Variants in WNT2B observed in about 807,000 individuals in gnomAD.
The protein encoded by WNT2B is protein Wnt-2b.
In WNT2B, 19 loss-of-function variants were observed where a neutral mutation model predicts 40.5. The ratio of observed to expected loss-of-function variants is 0.47; its 90% CI spans 0.33 to 0.69. The LOEUF (loss-of-function observed/expected upper bound fraction) is 0.69. WNT2B is among the 30% of genes least tolerant of loss of function. WNT2B has a pLI of 0.02. For synonymous variants in WNT2B, 220 were observed against 211.9 expected, an observed-to-expected ratio of 1.04 and a Z score of -0.33; for missense variants, 467 against 556.4, an observed-to-expected ratio of 0.84 and a Z score of 1.62.
At chr1:112,496,315 A>G (rs1179364475) in intron 1 of WNT2B, among the ~76,000 whole-genome samples, 1 of 152,196 alleles carries the variant, frequency 6.6e-6, no homozygotes, top group South Asian at 2.1e-4. Context: ...TACACATTCA[A>G]ATTTTAGAAG....
At chr1:112,494,635 C>G (rs763932798) in intron 1 of WNT2B, among the ~76,000 whole-genome samples, 3 of 151,538 alleles carry the variant, frequency 2.0e-5, no homozygotes, top group Admixed American at 6.6e-5. Context: ...AAACCACTAC[C>G]TTAGAAATCT....
chr1:112,470,826 C>T (rs1334147279), intron 1 of WNT2B, among the ~76,000 whole-genome samples: 1 of 152,062 alleles, frequency 6.6e-6, no homozygotes, highest in African/African-American at 2.4e-5. Context: ...GGAAGGAATT[C>T]CACTTTCCGA....
chr1:112,500,503 C>A (rs1651913015), intron 1 of WNT2B, among the ~76,000 whole-genome samples: 1 of 152,154 alleles, frequency 6.6e-6, no homozygotes, highest in Non-Finnish European at 1.5e-5. Flanking sequence ...GGTGCAGTAG[C>A]TCATGCCTAT....
chr1:112,508,583 C>T (rs1652202978), upstream of WNT2B, among the ~76,000 whole-genome samples: 2 of 152,174 alleles, frequency 1.3e-5, no homozygotes, highest in Admixed American at 1.3e-4. This position sits in a 1 kb window ranked among gnomAD's most constrained non-coding sequence, Gnocchi z 4.2. Context: ...ATCCTCCGTG[C>T]TCAGCGCCGG....
rs1299723911 is a variant in WNT2B at position 112,488,762 on chromosome 1, A to G, written c.-95+21171A>G. 3.9e-5 allele frequency among the ~76,000 whole-genome samples: 6 copies of G among 151,938 alleles called. No homozygotes were observed. In the East Asian group the frequency reaches 9.7e-4, roughly 25 times the overall value. On this transcript the variant is annotated intron_variant, in intron 1 of 4. Coordinates refer to the WNT2B transcript ENST00000256640. ...ATAAAGACAGGTTTTCACCATGTTA[A>G]CCAGGATGGTCTCGATCTCCTGACC...
intron 1 of WNT2B, among the ~76,000 whole-genome samples, chr1:112,480,352 T>A (rs1240035285): frequency 2.0e-5 from 2 of 99,748 alleles, no homozygotes; most frequent in Middle Eastern, 6.7e-3. Context: ...GGTGACAGAG[T>A]AAGACTCCGT....
At chr1:112,488,547 C>T (rs1236582678) in intron 1 of WNT2B, among the ~76,000 whole-genome samples, 1 of 148,900 alleles carries the variant, frequency 6.7e-6, no homozygotes, top group African/African-American at 2.5e-5. Flanking sequence ...TCTTTATTTA[C>T]TTACTGTTTT....
chr1:112,476,690 T>C (rs1651062946), intron 1 of WNT2B, among the ~76,000 whole-genome samples: 1 of 152,288 alleles, frequency 6.6e-6, no homozygotes, highest in Non-Finnish European at 1.5e-5. Flanking sequence ...TTGCCACCAA[T>C]GCAAACATTG....
rs1169927201 is a variant in WNT2B at position 112,498,417 on chromosome 1, TAG to T, written c.-94-16453_-94-16452del. Among the ~76,000 whole-genome samples, 3 of 151,928 alleles carry T rather than the reference TAG, an allele frequency of 2.0e-5. No homozygotes were observed. The East Asian group carries it at 5.8e-4, about 29-fold the overall frequency. On this transcript the variant is annotated intron_variant, in intron 1 of 4. Transcript: ENST00000256640. ...TACAGGCTAATTTTTGTATTTTTAG[TAG>T]AGACAGGGTTTCACCATGTTGGCCA... is the stretch of plus-strand genomic sequence containing the variant.
rs116371295 is a variant in WNT2B at position 112,490,451 on chromosome 1, A to G, written c.-95+22860A>G. Among the ~76,000 whole-genome samples the G allele has an allele frequency of 3.0e-3, 454 of 152,166 alleles. 2 individuals carry two copies. Among genetic ancestry groups the G allele is most frequent in the African/African-American group, 0.01 (429 of 41,520 alleles). On this transcript the variant is annotated intron_variant, in intron 1 of 4. Transcript: ENST00000256640. The stretch of plus-strand genomic sequence containing the variant: ...GAGAAAGGGGCTCAAAGAGAGAGAG[A>G]TAAGAGAACAATAAATTACTTTTCT...
At chr1:112,477,324 T>G (rs1253882019) in intron 1 of WNT2B, among the ~76,000 whole-genome samples, 2 of 152,128 alleles carry the variant, frequency 1.3e-5, no homozygotes, top group Non-Finnish European at 2.9e-5. Context: ...ATGCTGTGGC[T>G]TCCCAGAGCT....
rs751768052 is a variant in WNT2B at position 112,517,238 on chromosome 1, C to A, written c.799C>A (p.Arg267=). The A allele has an allele frequency of 6.2e-7, 1 of 1,614,080 alleles. No individual in the cohort carries two copies. Among genetic ancestry groups the A allele is most frequent in the Non-Finnish European group, 8.5e-7 (1 of 1,180,048 alleles). Residue 267 remains arginine (R), a synonymous_variant, in exon 4 of 5, where the codon CGA becomes AGA. Coordinates refer to ENST00000369684, the MANE Select transcript of WNT2B (RefSeq NM_024494.3). ...CCGCCGCACAGGTGATTACCTGCGG[C>A]GACGCTATGATGGGGCTGTGCAGGT... ...DFRRTGDYLR[R]RYDGAVQVMA...
Position 112,515,473 on chromosome 1 carries a change from A to G in WNT2B, c.403+379A>G, listed in dbSNP as rs1340886573. 6.6e-6 allele frequency among the ~76,000 whole-genome samples: 1 copy of G among 152,022 alleles called. No homozygotes were observed. Among genetic ancestry groups the G allele is most frequent in the Non-Finnish European group, 1.5e-5 (1 of 68,038 alleles). ...CACTATCGTCACCCCAACACTCCCA[A>G]CACTACAGTAATGGGAACAAAAGAT... On this transcript the variant is annotated intron_variant, in intron 2 of 4. Coordinates refer to ENST00000369684, the MANE Select transcript of WNT2B (RefSeq NM_024494.3). The surrounding 1 kb of genome is among the most constrained non-coding windows in gnomAD (Gnocchi z 4.4).
intron 1 of WNT2B, among the ~76,000 whole-genome samples, chr1:112,486,302 G>A (rs1481905620): frequency 6.6e-6 from 1 of 152,064 alleles, no homozygotes; most frequent in African/African-American, 2.4e-5. Context: ...AATTAGTTGG[G>A]CATGGTGTTA....
At chr1:112,482,429 G>A (rs1487842306) in intron 1 of WNT2B, among the ~76,000 whole-genome samples, 2 of 152,128 alleles carry the variant, frequency 1.3e-5, no homozygotes, top group African/African-American at 4.8e-5. Context: ...TTAAACTTCT[G>A]GACTCAAGCA....
chr1:112,523,966 A>G lies in WNT2B; in HGVS notation c.*3457A>G, dbSNP rs549056177. The G allele has an allele frequency of 4.2e-4, 64 of 151,948 alleles. No homozygotes were observed. The highest frequency in any genetic ancestry group is 1.5e-3 in the African/African-American group (64 of 41,478). The allele number at this position is 151,948 out of a possible 1,614,324, so 9.4% of individuals were successfully genotyped here. On this transcript the variant is annotated 3_prime_UTR_variant, in exon 5 of 5. Transcript: ENST00000369684. ...CTAATCCACACTCTTCCTTAGAGTG[A>G]TGCTGGAAAAATAAAATCAGGGGCT...
intron 1 of WNT2B, among the ~76,000 whole-genome samples, chr1:112,511,991 A>G (rs1312910090): frequency 6.6e-6 from 1 of 152,094 alleles, no homozygotes; most frequent in African/African-American, 2.4e-5. Flanking sequence ...AGATTCATGG[A>G]GGCTAATAGT....
chr1:112,511,285 C>T (rs545681154), intron 1 of WNT2B, among the ~76,000 whole-genome samples: 1 of 152,174 alleles, frequency 6.6e-6, no homozygotes, highest in Admixed American at 6.5e-5. Flanking sequence ...ACTTAGCAGC[C>T]CCTGTGAAAA....
Position 112,520,701 on chromosome 1 carries a change from T to C in WNT2B, c.*192T>C. On this transcript the variant is annotated 3_prime_UTR_variant, in exon 5 of 5. Coordinates refer to ENST00000369684, the MANE Select transcript of WNT2B (RefSeq NM_024494.3). ...GCCCTGGGAAGGAGTTGTCAGGGGA[T>C]ATAAGAAACTGAGCAAGCTCCCTGA... 1 of 622,082 alleles carries C rather than the reference T, an allele frequency of 1.6e-6. No homozygotes were observed. The allele number at this position is 622,082 out of a possible 1,614,324, so 38.5% of individuals were successfully genotyped here.
Sources: gnomAD v4.1 joint callset for allele counts (sites outside exome capture counted in the v4.1 genomes callset) on GRCh38, gnomAD v4.1.1 for gene constraint, Gnocchi (gnomAD v3.1) non-coding constraint, MANE v1.5 for transcripts, NCBI Gene and HGNC (gene_info 2026-07-23, HGNC 2026-07-21) for gene names.